The following UQCR11 variants were observed in gnomAD, a reference collection of about 807,000 sequenced individuals.
UQCR11 encodes ubiquinol-cytochrome c reductase, complex III subunit XI.
UQCR11 carries 10 observed loss-of-function variants against 7.6 expected under a neutral mutation model. The ratio of observed to expected loss-of-function variants is 1.31; its 90% CI spans 0.81 to 2.22. UQCR11 has a LOEUF of 2.22. Among genes scored for constraint, UQCR11 ranks in the 30% most tolerant of loss-of-function variants. The pLI, the probability that UQCR11 is intolerant of heterozygous loss-of-function variation, is 0.00. For synonymous variants in UQCR11, 34 were observed against 34.9 expected (o/e 0.97, Z 0.09); for missense variants, 86 against 75.1 (o/e 1.15, Z -0.54).
At chr19:1,600,086 G>C (rs918002625) in intron 1 of UQCR11, among the ~76,000 whole-genome samples, 1 of 105,460 alleles carries the variant, frequency 9.5e-6, no homozygotes, top group African/African-American at 3.1e-5. Context: ...GAGTTGCCTG[G>C]GCCCAGCAGA....
chr19:1,605,368 G>C lies in UQCR11; in HGVS notation c.42C>G (p.Val14=). The C allele has an allele frequency of 6.3e-7, 1 of 1,582,208 alleles. No individual in the cohort carries two copies. Among genetic ancestry groups the C allele is most frequent in the East Asian group, 2.4e-5 (1 of 41,294 alleles). Residue 14 remains valine (V), a synonymous_variant, in exon 1 of 3, where the codon GTC becomes GTG. Transcript: ENST00000591899. The part of the protein sequence containing the change: ...RFLGPRYREL[V]KNWVPTAYTW... ...CGGGTCGGCGTCCTCACCAGTTCTTGACCAGCTCCCGGTAGCGTGGGCCCA... is the reference window on the plus strand; with the variant it reads ...CGGGTCGGCGTCCTCACCAGTTCTTCACCAGCTCCCGGTAGCGTGGGCCCA...
In UQCR11 at chr19:1,605,250, C is replaced by G. The variant is rs999045840; in HGVS notation, c.50+110G>C. 1.1e-4 allele frequency: 141 copies of G among 1,307,474 alleles called. No individual in the cohort carries two copies. In the East Asian group the frequency reaches 4.2e-3, roughly 39 times the overall value. 81.0% of individuals were successfully genotyped at this position (1,307,474 alleles called of 1,614,324 possible). The stretch of plus-strand genomic sequence containing the variant: ...TCTGTCACCGGGAACAACAAGGGAC[C>G]TGGGCCCGGCCCGGCCCGGCCCCCG... On this transcript the variant is annotated intron_variant, in intron 1 of 2. Coordinates refer to ENST00000591899, the MANE Select transcript of UQCR11 (RefSeq NM_006830.4).
chr19:1,605,298 G>A (rs1468334198), intron 1 of UQCR11, 62 bp downstream of exon 1: 4 of 1,501,966 alleles, frequency 2.7e-6, no homozygotes, highest in Non-Finnish European at 3.5e-6. Flanking sequence ...AATACGGAAC[G>A]CAGCGGCGCG....
chr19:1,605,195 C>T (rs2060758395), intron 1 of UQCR11, among the ~76,000 whole-genome samples, 165 bp downstream of exon 1: 1 of 152,206 alleles, frequency 6.6e-6, no homozygotes, highest in South Asian at 2.1e-4. Context: ...CCGGGACGCG[C>T]CGCTCCGCCT....
chr19:1,602,939 G>T (rs922833038), intron 1 of UQCR11, among the ~76,000 whole-genome samples: 1 of 152,148 alleles, frequency 6.6e-6, no homozygotes, highest in African/African-American at 2.4e-5. Context: ...ACTGACCAAC[G>T]ACCTCGTCGC....
chr19:1,599,478 C>T lies in UQCR11; in HGVS notation c.133G>A (p.Val45Ile), dbSNP rs1174220256. ...TTAAACTTGCCATTGATGTAAGGTACCCAGTCCAGGATCAGCCGCCAATCG... is the reference window on the plus strand; with the variant it reads ...TTAAACTTGCCATTGATGTAAGGTATCCAGTCCAGGATCAGCCGCCAATCG... ...ATDWRLILDW[V>I]PYINGKFKKD... The change falls in exon 2 of 3, where the codon GTA becomes ATA. Residue 45 changes from valine to isoleucine, a missense_variant. Physicochemically the swap from Val to Ile is conservative, Grantham distance 29. Coordinates refer to ENST00000591899, the MANE Select transcript of UQCR11 (RefSeq NM_006830.4). 6.2e-7 allele frequency: 1 copy of T among 1,613,696 alleles called. No homozygotes were observed. Among genetic ancestry groups the T allele is most frequent in the African/African-American group, 1.3e-5 (1 of 74,948 alleles).
At chr19:1,600,048 C>T (rs1447769695) in intron 1 of UQCR11, among the ~76,000 whole-genome samples, 1 of 152,250 alleles carries the variant, frequency 6.6e-6, no homozygotes, top group East Asian at 1.9e-4. Flanking sequence ...CTCTTGCCCA[C>T]CACGGCACGT....
At position 1,599,499 on chromosome 19, in the gene UQCR11, A is replaced by G. The variant is rs1568282156; in HGVS notation, c.112T>C (p.Trp38Arg). Residue 38 changes from tryptophan to arginine, a missense_variant, in exon 2 of 3, where the codon TGG (tryptophan) becomes CGG (arginine). Physicochemically the swap from Trp to Arg is moderately radical, Grantham distance 101 (BLOSUM62 -3). Transcript: ENST00000591899. The stretch of plus-strand genomic sequence containing the variant: ...GGTACCCAGTCCAGGATCAGCCGCC[A>G]ATCGGTGGCCCACACCAGCCCCACG... ...GAVGLVWATD[W>R]RLILDWVPYI... The G allele has an allele frequency of 1.2e-6, 2 of 1,613,692 alleles. No individual in the cohort carries two copies. Among genetic ancestry groups the G allele is most frequent in the Non-Finnish European group, 1.7e-6 (2 of 1,180,012 alleles).
rs780604289 is a variant in UQCR11, at chr19:1,599,441, T to G, written c.170A>C (p.Ter57SerextTer15). ...GCAGTCTGTGAAGGGTTTGTGTAAT[T>G]AATTATCCTTCTTAAACTTGCCATT... ...YINGKFKKDN[*>S] The change falls in exon 2 of 3, where the codon TAA becomes TCA. Residue 57 changes from the stop codon to serine (S), a stop_lost. Transcript: ENST00000591899. 1 of 1,613,720 alleles carries G rather than the reference T, an allele frequency of 6.2e-7. No homozygotes were observed. The highest frequency in any genetic ancestry group is 2.2e-5 in the East Asian group (1 of 44,878).
chr19:1,605,184 G>A (rs556208320), intron 1 of UQCR11, among the ~76,000 whole-genome samples, 176 bp downstream of exon 1: 46 of 152,192 alleles, frequency 3.0e-4, no homozygotes, highest in Non-Finnish European at 6.2e-4. Flanking sequence ...TCCCGTTCAC[G>A]CCGGGACGCG....
At chr19:1,598,478 A>T (rs1047968940) in intron 2 of UQCR11, among the ~76,000 whole-genome samples, 2 of 151,468 alleles carry the variant, frequency 1.3e-5, no homozygotes, top group African/African-American at 4.9e-5. Flanking sequence ...CGGGAGGTGG[A>T]GGTTGCAGTG....
chr19:1,599,448 CCTT>C lies in UQCR11; in HGVS notation c.160_162del (p.Lys54del). On this transcript the variant is annotated inframe_deletion, in exon 2 of 3. Coordinates refer to ENST00000591899, the MANE Select transcript of UQCR11 (RefSeq NM_006830.4). ...GTGAAGGGTTTGTGTAATTAATTAT[CCTT>C]CTTAAACTTGCCATTGATGTAAGGT... 6.2e-7 allele frequency: 1 copy of C among 1,613,870 alleles called. No individual in the cohort carries two copies. Among genetic ancestry groups the C allele is most frequent in the Non-Finnish European group, 8.5e-7 (1 of 1,179,992 alleles).
At chr19:1,603,207 A>C (rs937751966) in intron 1 of UQCR11, among the ~76,000 whole-genome samples, 1 of 152,120 alleles carries the variant, frequency 6.6e-6, no homozygotes, top group African/African-American at 2.4e-5. Context: ...GGTCAGCCCC[A>C]CACCACAGGT....
Position 1,599,474 on chromosome 19 carries a change from G to A in UQCR11, c.137C>T (p.Pro46Leu). The change falls in exon 2 of 3, where the codon CCT becomes CTT. Residue 46 changes from proline (P) to leucine (L), a missense_variant. Physicochemically the swap from Pro to Leu is moderately conservative, Grantham distance 98. Transcript: ENST00000591899. ...TDWRLILDWVPYINGKFKKDN is the reference protein window; with the variant it reads ...TDWRLILDWVLYINGKFKKDN ...CTTCTTAAACTTGCCATTGATGTAA[G>A]GTACCCAGTCCAGGATCAGCCGCCA... 1 of 1,613,828 alleles carries A rather than the reference G, an allele frequency of 6.2e-7. No homozygotes were observed.
intron 1 of UQCR11, among the ~76,000 whole-genome samples, chr19:1,601,642 C>T (rs2060747491): frequency 6.7e-6 from 1 of 150,116 alleles, no homozygotes; most frequent in African/African-American, 2.5e-5. Flanking sequence ...ATCCAGCCAA[C>T]AACCCCGTGA....
rs552933136 is a variant in UQCR11 at position 1,604,442 on chromosome 19, C to G, written c.50+918G>C. The stretch of plus-strand genomic sequence containing the variant: ...TCCAGGATGGTCTTGAACTCCCAGG[C>G]TCAAGTGATTCTCCTGCCTGGGCCT... On this transcript the variant is annotated intron_variant, in intron 1 of 2. Coordinates refer to ENST00000591899, the MANE Select transcript of UQCR11 (RefSeq NM_006830.4). 1.0e-3 allele frequency among the ~76,000 whole-genome samples: 154 copies of G among 152,152 alleles called. 1 individual carries two copies. The highest frequency in any genetic ancestry group is 3.6e-3 in the African/African-American group (149 of 41,502).
In UQCR11 at chr19:1,597,935, A is replaced by T. The variant is rs1247098798; in HGVS notation, c.*309T>A. ...GGCAGTTTCTGTCAGCCATTGGAAC[A>T]CTCTCCTAGACTTGCAACATTCTGG... On this transcript the variant is annotated 3_prime_UTR_variant, in exon 3 of 3. Coordinates refer to ENST00000591899, the MANE Select transcript of UQCR11 (RefSeq NM_006830.4). 1.3e-5 allele frequency: 2 copies of T among 151,984 alleles called. No individual in the cohort carries two copies. Among genetic ancestry groups the T allele is most frequent in the African/African-American group, 2.4e-5 (1 of 41,376 alleles). 9.4% of individuals were successfully genotyped at this position (151,984 alleles called of 1,614,324 possible). A position where few individuals can be genotyped will look rare whatever the true frequency, so the allele number is the denominator to read the frequency against.
intron 1 of UQCR11, among the ~76,000 whole-genome samples, chr19:1,600,303 T>C (rs1224935661): frequency 1.5e-5 from 2 of 136,980 alleles, no homozygotes; most frequent in Non-Finnish European, 3.0e-5. Flanking sequence ...AATCTCCACC[T>C]CCCGGGTTCA....
At chr19:1,601,889 C>G (rs907377895) in intron 1 of UQCR11, 1 of 152,068 alleles carries the variant, frequency 6.6e-6, no homozygotes, top group African/African-American at 2.4e-5. Flanking sequence ...GGGCGGGGTG[C>G]GGCGGTTCAC....
Sources: gnomAD v4.1 joint callset for allele counts (sites outside exome capture counted in the v4.1 genomes callset) on GRCh38, gnomAD v4.1.1 for gene constraint, MANE v1.5 for transcripts, NCBI Gene and HGNC (gene_info 2026-07-23, HGNC 2026-07-21) for gene names.